The following RBFOX3 variants were observed in gnomAD, a reference collection of about 807,000 sequenced individuals.
RBFOX3 encodes the protein RNA binding fox-1 homolog 3, also known as RNA binding protein fox-1 homolog 3.
In RBFOX3, 17 loss-of-function variants were observed where a neutral mutation model predicts 48.7. The observed-to-expected ratio is 0.35, with a 90% CI of 0.24 to 0.52. The LOEUF (loss-of-function observed/expected upper bound fraction) is 0.52, where lower values mean the gene tolerates loss of function less well. RBFOX3 is among the 20% of genes least tolerant of loss of function. The pLI is 0.94. For missense variants in RBFOX3, 382 were observed against 497.5 expected, an observed-to-expected ratio of 0.77 and a Z score of 2.21; for synonymous variants, 212 against 209.5, an observed-to-expected ratio of 1.01 and a Z score of -0.10.
At chr17:79,223,151 T>C (rs2059923505) in intron 4 of RBFOX3, among the ~76,000 whole-genome samples, 1 of 152,080 alleles carries the variant, frequency 6.6e-6, no homozygotes. Flanking sequence ...TAAGTTCCAG[T>C]GTTTCTGCTC....
chr17:79,448,839 G>T (rs782573531), intron 2 of RBFOX3, among the ~76,000 whole-genome samples: 4 of 152,160 alleles, frequency 2.6e-5, no homozygotes, highest in Non-Finnish European at 4.4e-5. Context: ...CACCTGGACG[G>T]CAGCCCCTGA....
At chr17:79,159,714 G>A (rs1463775528) in intron 4 of RBFOX3, among the ~76,000 whole-genome samples, 1 of 151,400 alleles carries the variant, frequency 6.6e-6, no homozygotes, top group African/African-American at 2.4e-5. Flanking sequence ...ACAGAGTGAC[G>A]TGCACCCATC....
intron 4 of RBFOX3, among the ~76,000 whole-genome samples, chr17:79,223,966 G>A (rs1373504030): frequency 1.3e-5 from 2 of 152,180 alleles, no homozygotes; most frequent in Admixed American, 6.5e-5. Context: ...TTAGGAGGGA[G>A]GGAGAGACAG....
chr17:79,492,111 G>A (rs2080765954), intron 1 of RBFOX3, among the ~76,000 whole-genome samples: 1 of 152,152 alleles, frequency 6.6e-6, no homozygotes, highest in East Asian at 1.9e-4. Flanking sequence ...ACAGTATGAT[G>A]TTTCAAGGCC....
At chr17:79,478,786 C>T (rs1259635936) in intron 2 of RBFOX3, among the ~76,000 whole-genome samples, 1 of 152,234 alleles carries the variant, frequency 6.6e-6, no homozygotes, top group African/African-American at 2.4e-5. Flanking sequence ...CTGCATGTAA[C>T]AGACAAATCT....
chr17:79,178,127 C>T (rs1172050550), intron 4 of RBFOX3, among the ~76,000 whole-genome samples: 2 of 152,214 alleles, frequency 1.3e-5, no homozygotes, highest in Non-Finnish European at 2.9e-5. Flanking sequence ...GGGCTCCTTC[C>T]CCGCCGCCAC....
intron 1 of RBFOX3, among the ~76,000 whole-genome samples, chr17:79,558,595 C>T (rs2091950590): frequency 6.6e-6 from 1 of 152,134 alleles, no homozygotes; most frequent in Non-Finnish European, 1.5e-5. Context: ...CACTTCCCTC[C>T]CGGCCGGGCT....
At chr17:79,622,680 T>C in the RBFOX3 span, among the ~76,000 whole-genome samples, 3 of 152,256 alleles carry the variant, frequency 2.0e-5, no homozygotes, top group South Asian at 6.2e-4. Context: ...CCTCTTCCAC[T>C]GAGGACACCA....
At chr17:79,416,932 T>C (rs1461031436) in intron 2 of RBFOX3, among the ~76,000 whole-genome samples, 1 of 152,214 alleles carries the variant, frequency 6.6e-6, no homozygotes. Context: ...GCAGGACCCA[T>C]GTTCCTTACC....
chr17:79,534,158 G>A (rs1030490826), intron 1 of RBFOX3, among the ~76,000 whole-genome samples: 10 of 152,136 alleles, frequency 6.6e-5, no homozygotes, highest in African/African-American at 2.2e-4. Context: ...GTAAACAAAC[G>A]TATTTTCTCT....
chr17:79,388,001 C>CAT (rs144305568), intron 2 of RBFOX3, among the ~76,000 whole-genome samples: 23,139 of 151,350 alleles, frequency 0.15, 1,866 homozygotes, highest in Non-Finnish European at 0.17. Flanking sequence ...TGAATGTGTA[C>CAT]GTGTGTGTGT....
the RBFOX3 span, among the ~76,000 whole-genome samples, chr17:79,621,438 A>G: frequency 1.3e-5 from 2 of 152,012 alleles, no homozygotes; most frequent in African/African-American, 4.8e-5. Context: ...GCCATCCTGA[A>G]TCTACACATT....
intron 4 of RBFOX3, among the ~76,000 whole-genome samples, chr17:79,190,174 G>T (rs1217182950): frequency 4.6e-5 from 7 of 152,212 alleles, no homozygotes; most frequent in African/African-American, 1.7e-4. Context: ...CACTTTGGGA[G>T]GCCAAGGCGG....
intron 1 of RBFOX3, among the ~76,000 whole-genome samples, chr17:79,587,127 G>T (rs2093274501): frequency 6.6e-6 from 1 of 152,188 alleles, no homozygotes; most frequent in African/African-American, 2.4e-5. Context: ...AGGCAGAAAG[G>T]TGAACCATTA....
At chr17:79,483,102 G>T (rs1321529329) in intron 1 of RBFOX3, among the ~76,000 whole-genome samples, 1 of 152,086 alleles carries the variant, frequency 6.6e-6, no homozygotes, top group Non-Finnish European at 1.5e-5. Flanking sequence ...GCCTTCCACT[G>T]GTGTCCTGTG....
At chr17:79,376,834 C>A (rs2059280885) in intron 2 of RBFOX3, among the ~76,000 whole-genome samples, 1 of 152,138 alleles carries the variant, frequency 6.6e-6, no homozygotes, top group Non-Finnish European at 1.5e-5. Context: ...AGCACAAGGA[C>A]AATCTGGTTT....
intron 4 of RBFOX3, among the ~76,000 whole-genome samples, chr17:79,123,037 GGAT>G (rs1337134600): frequency 6.6e-6 from 1 of 151,976 alleles, no homozygotes; most frequent in Non-Finnish European, 1.5e-5. Flanking sequence ...GAGAGCAGAA[GGAT>G]GATGACCAGA....
At chr17:79,110,777 C>T (rs1022786225) in intron 5 of RBFOX3, among the ~76,000 whole-genome samples, 1 of 152,222 alleles carries the variant, frequency 6.6e-6, no homozygotes, top group Non-Finnish European at 1.5e-5. Context: ...GGATTTCAAG[C>T]CCCTCCTGAT....
chr17:79,097,168 G>C lies in RBFOX3; in HGVS notation c.755+124C>G, dbSNP rs1027472957. On this transcript the variant is annotated intron_variant, in intron 11 of 14. Coordinates refer to ENST00000693108, the MANE Select transcript of RBFOX3 (RefSeq NM_001350451.2). ...CAGGGCTGAGTTCTGGGGCTCCCACGATCCTCCCCCCCCCCAGGTCTGGAA... is the reference window on the plus strand; with the variant it reads ...CAGGGCTGAGTTCTGGGGCTCCCACCATCCTCCCCCCCCCCAGGTCTGGAA... The C allele has an allele frequency of 1.4e-5, 12 of 846,080 alleles. No individual in the cohort carries two copies. In the Admixed American group the frequency reaches 2.3e-4, roughly 16 times the overall value. The allele number at this position is 846,080 out of a possible 1,614,324, so 52.4% of individuals were successfully genotyped here.
Sources: allele counts gnomAD v4.1 joint callset (sites outside exome capture counted in the v4.1 genomes callset), GRCh38; gene constraint gnomAD v4.1.1; transcripts MANE v1.5; gene names NCBI Gene and HGNC (gene_info 2026-07-23, HGNC 2026-07-21).